Variants in IGF2R observed in about 807,000 individuals in gnomAD.
IGF2R encodes the protein cation-independent mannose-6-phosphate receptor.
Under a neutral mutation model 270.6 loss-of-function variants are expected in IGF2R, and 91 were observed. The observed-to-expected ratio is 0.34, with a 90% CI of 0.28 to 0.40. The LOEUF (loss-of-function observed/expected upper bound fraction) is 0.40. Ranked by LOEUF, IGF2R falls within the 10% of genes least tolerant of loss-of-function variation. The pLI is 1.00. For missense variants in IGF2R, 2,805 were observed against 3,188.3 expected (o/e 0.88, Z 2.90); for synonymous variants, 1,316 against 1,258.9 (o/e 1.05, Z -0.96).
rs777560640 is a variant in IGF2R, at chr6:160,073,430, C to A, written c.4908C>A (p.Leu1636=). 6.2e-7 allele frequency: 1 copy of A among 1,614,156 alleles called. No individual in the cohort carries two copies. The highest frequency in any genetic ancestry group is 1.3e-5 in the African/African-American group (1 of 74,958). The change falls in exon 34 of 48, where the codon CTC becomes CTA. Residue 1636 remains leucine (L), a synonymous_variant. Transcript: ENST00000356956. The part of the protein sequence containing the change: ...LISLDKQTCT[L]FFSWHTPLAC... ...CCCTGGACAAGCAGACATGCACTCT[C>A]TTCTTCTCCTGGCACACGCCGCTGG...
intron 1 of IGF2R, among the ~76,000 whole-genome samples, chr6:159,984,847 T>TGA (rs1423805498): frequency 6.6e-6 from 1 of 152,224 alleles, no homozygotes; most frequent in East Asian, 1.9e-4. Flanking sequence ...GAAGATATTT[T>TGA]GAGAGAGAGA....
intron 2 of IGF2R, chr6:160,005,744 C>T (rs1784212491): frequency 6.8e-6 from 1 of 146,888 alleles, no homozygotes; most frequent in Non-Finnish European, 1.5e-5. Flanking sequence ...CCACCCGCCC[C>T]ATTCTCTCCC....
chr6:160,100,721 TCC>T (rs367579435), intron 45 of IGF2R, among the ~76,000 whole-genome samples: 10 of 18,744 alleles, frequency 5.3e-4, no homozygotes, highest in Admixed American at 2.1e-3. Flanking sequence ...GTCAGCAATT[TCC>T]CTTTTTTTTT....
intron 3 of IGF2R, 120 bp from the exon 4 acceptor site, chr6:160,010,567 C>T: frequency 6.1e-6 from 4 of 650,768 alleles, no homozygotes; most frequent in Non-Finnish European, 1.1e-5. Flanking sequence ...CGGTTGCATC[C>T]CCTGCCCTTC....
Position 160,096,567 on chromosome 6 carries a change from G to A in IGF2R, c.6784G>A (p.Glu2262Lys), listed in dbSNP as rs1200823607. ...GGACGGGATCCCCGAGTTCAGTCAC[G>A]AGACTGCCGACTGCCAGTACCTCTT... The part of the protein sequence containing the change: ...VEDGIPEFSH[E>K]TADCQYLFSW... Residue 2262 changes from glutamate (E) to lysine (K), a missense_variant, in exon 45 of 48, where the codon GAG (glutamate) becomes AAG (lysine). By Grantham distance (56) the Glu-to-Lys change is moderately conservative. Transcript: ENST00000356956. 6.8e-6 allele frequency: 11 copies of A among 1,614,032 alleles called. No homozygotes were observed. Among genetic ancestry groups the A allele is most frequent in the African/African-American group, 4.0e-5 (3 of 74,920 alleles).
intron 2 of IGF2R, among the ~76,000 whole-genome samples, chr6:160,000,437 C>T (rs1002631801): frequency 3.3e-5 from 5 of 152,144 alleles, no homozygotes; most frequent in African/African-American, 1.2e-4. Context: ...CCATTGGAAA[C>T]CAGCCCCGTG....
At position 160,108,869 on chromosome 6, in the gene IGF2R, G is replaced by C. The variant is rs1321341078; in HGVS notation, c.*3785G>C. 1.3e-5 allele frequency: 2 copies of C among 152,078 alleles called. No individual in the cohort carries two copies. The highest frequency in any genetic ancestry group is 2.9e-5 in the Non-Finnish European group (2 of 68,062). The allele number at this position is 152,078 out of a possible 1,614,324, so 9.4% of individuals were successfully genotyped here. On this transcript the variant is annotated 3_prime_UTR_variant, in exon 48 of 48. Transcript: ENST00000356956. ...GGCTAATTTTTGTATTTTTAATAGCGACAGGGTTTCACCGTGTTGGCCAGG... is the reference window on the plus strand; with the variant it reads ...GGCTAATTTTTGTATTTTTAATAGCCACAGGGTTTCACCGTGTTGGCCAGG...
intron 15 of IGF2R, among the ~76,000 whole-genome samples, chr6:160,046,858 T>C (rs416572): frequency 0.79 from 120,490 of 152,202 alleles, 48,610 homozygotes; most frequent in African/African-American, 0.95. Context: ...GGATTGAGGT[T>C]ATGCCTCACT....
intron 1 of IGF2R, 42 bp downstream of exon 1, chr6:159,969,437 G>C: frequency 8.4e-7 from 1 of 1,184,716 alleles, no homozygotes. Flanking sequence ...CGCGGTGCCC[G>C]GGGTGAGCGG....
chr6:159,974,419 G>A (rs1044594448), intron 1 of IGF2R, among the ~76,000 whole-genome samples: 10 of 152,132 alleles, frequency 6.6e-5, no homozygotes, highest in African/African-American at 1.9e-4. Flanking sequence ...AGCTCCTCAT[G>A]TCTTCTGGGT....
At chr6:160,073,720 T>C in intron 34 of IGF2R, 37 bp from the exon 35 acceptor site, 1 of 1,572,016 alleles carries the variant, frequency 6.4e-7, no homozygotes. Flanking sequence ...TAGGAAAATT[T>C]TTTTGTAGAC....
chr6:159,993,739 A>G (rs1163543365), intron 2 of IGF2R, among the ~76,000 whole-genome samples: 1 of 151,906 alleles, frequency 6.6e-6, no homozygotes, highest in African/African-American at 2.4e-5. Flanking sequence ...GAATTTTAGG[A>G]TTGTTTTTCT....
intron 6 of IGF2R, among the ~76,000 whole-genome samples, chr6:160,028,822 G>A (rs968657734): frequency 7.9e-5 from 12 of 150,988 alleles, no homozygotes; most frequent in Non-Finnish European, 1.5e-4. Context: ...TGGCCTGCTT[G>A]TCTGCCTTTT....
intron 35 of IGF2R, among the ~76,000 whole-genome samples, chr6:160,075,632 G>A (rs1330977842): frequency 4.6e-5 from 7 of 152,188 alleles, no homozygotes; most frequent in Non-Finnish European, 7.4e-5. Context: ...TAGAACTAAC[G>A]TTAGGATCAA....
Position 160,070,094 on chromosome 6 carries a change from C to T in IGF2R, c.4443+36C>T, listed in dbSNP as rs185974916. 164 of 1,601,382 alleles carry T rather than the reference C, an allele frequency of 1.0e-4. No homozygotes were observed. In the East Asian group the frequency reaches 3.1e-3, roughly 31 times the overall value. On this transcript the variant is annotated intron_variant, in intron 31 of 47. Transcript: ENST00000356956. Reference sequence around the variant, plus strand: ...GTTCCTGCACCTTCTGCTGTTGCAGCTTTGGGAATTGAGCCCATGTGCAGG... The same window carrying T: ...GTTCCTGCACCTTCTGCTGTTGCAGTTTTGGGAATTGAGCCCATGTGCAGG...
intron 3 of IGF2R, among the ~76,000 whole-genome samples, chr6:160,009,883 A>G (rs1373121983): frequency 6.6e-6 from 1 of 152,226 alleles, no homozygotes; most frequent in Admixed American, 6.5e-5. Flanking sequence ...TGACTATTGC[A>G]TCTTCAGGTC....
In IGF2R at chr6:160,050,321, T is replaced by G. The variant is rs968666230; in HGVS notation, c.2515-152T>G. The G allele has an allele frequency of 2.6e-6, 2 of 766,774 alleles. No individual in the cohort carries two copies. Among genetic ancestry groups the G allele is most frequent in the Non-Finnish European group, 4.2e-6 (2 of 478,606 alleles). 47.5% of individuals were successfully genotyped at this position (766,774 alleles called of 1,614,324 possible). A position where few individuals can be genotyped will look rare whatever the true frequency, so the allele number is the denominator to read the frequency against. The stretch of plus-strand genomic sequence containing the variant: ...TTAACTCTTTGAGGATGGTTTCCTA[T>G]TCCATATGTAATAAGGGGATTTCCC... On this transcript the variant is annotated intron_variant, in intron 18 of 47. Coordinates refer to ENST00000356956, the MANE Select transcript of IGF2R (RefSeq NM_000876.4). This position sits in a 1 kb window ranked among gnomAD's most constrained non-coding sequence, Gnocchi z 4.0.
chr6:160,072,901 C>T lies in IGF2R; in HGVS notation c.4690+17C>T, dbSNP rs1212038098. 1 of 1,602,532 alleles carries T rather than the reference C, an allele frequency of 6.2e-7. No individual in the cohort carries two copies. The highest frequency in any genetic ancestry group is 2.2e-5 in the East Asian group (1 of 44,834). ...CTGGCGTGGGTGAGTGCTGTGGTCT[C>T]TCGTGTGTTGTCTGACTCTCCCGTC... On this transcript the variant is annotated intron_variant, in intron 33 of 47. Transcript: ENST00000356956.
intron 42 of IGF2R, 114 bp from the exon 43 acceptor site, chr6:160,088,993 C>G (rs1490151950): frequency 3.7e-6 from 4 of 1,089,046 alleles, no homozygotes; most frequent in Non-Finnish European, 5.1e-6. Context: ...TCTCGCAGCA[C>G]CTTGACTGAA....
Sources: allele counts gnomAD v4.1 joint callset (sites outside exome capture counted in the v4.1 genomes callset), GRCh38; gene constraint gnomAD v4.1.1; non-coding constraint Gnocchi (gnomAD v3.1); transcripts MANE v1.5; gene names NCBI Gene and HGNC (gene_info 2026-07-23, HGNC 2026-07-21).